Variants in COPB2 observed in about 807,000 individuals in gnomAD.
COPB2 encodes coatomer subunit beta'.
A neutral mutation model predicts 120.8 loss-of-function variants in COPB2; 16 were observed. The observed-to-expected ratio is 0.13, with a 90% CI of 0.09 to 0.20. The LOEUF (loss-of-function observed/expected upper bound fraction) is 0.20, where lower values mean the gene tolerates loss of function less well. Among genes scored for constraint, COPB2 ranks in the 10% least tolerant of loss-of-function variants. The pLI is 1.00. For synonymous variants in COPB2, 332 were observed against 366.3 expected (o/e 0.91, Z 1.07); for missense variants, 794 against 1,076.5 (o/e 0.74, Z 3.67).
chr3:139,369,530 T>G lies in COPB2; in HGVS notation c.1220A>C (p.Glu407Ala), dbSNP rs1560016304. Residue 407 changes from glutamate (E) to alanine (A), a missense_variant, in exon 11 of 22, where the codon GAG becomes GCG. Physicochemically the swap from Glu to Ala is moderately radical, Grantham distance 107. Transcript: ENST00000333188. ...AHDSSEYAIR[E>A]SNSIVKIFKN... ...AAATATCTTTACAATGCTGTTGCTC[T>G]CTCTTATTGCATACCTGGGAGAAAA... is the stretch of plus-strand genomic sequence containing the variant. 20 of 1,607,314 alleles carry G rather than the reference T, an allele frequency of 1.2e-5. No individual in the cohort carries two copies. The highest frequency in any genetic ancestry group is 1.7e-5 in the Non-Finnish European group (20 of 1,176,220).
At position 139,383,443 on chromosome 3, in the gene COPB2, G is replaced by T. The variant is rs374583134; in HGVS notation, c.4-8C>A. The T allele has an allele frequency of 2.4e-5, 37 of 1,530,354 alleles. No homozygotes were observed. Among genetic ancestry groups the T allele is most frequent in the South Asian group, 1.0e-4 (8 of 77,308 alleles). 94.8% of individuals were successfully genotyped at this position (1,530,354 alleles called of 1,614,324 possible). On this transcript the variant is annotated splice_polypyrimidine_tract_variant and splice_region_variant and intron_variant, in intron 1 of 21. Coordinates refer to ENST00000333188, the MANE Select transcript of COPB2 (RefSeq NM_004766.3). Reference sequence around the variant, plus strand: ...GATATCAAGTCGCAGAGGCTAAAAAGAAACATTAAAAAAATTAAATTGCTA... The same window carrying T: ...GATATCAAGTCGCAGAGGCTAAAAATAAACATTAAAAAAATTAAATTGCTA...
chr3:139,387,746 T>A (rs1941949516), intron 1 of COPB2, among the ~76,000 whole-genome samples: 2 of 152,232 alleles, frequency 1.3e-5, no homozygotes, highest in Admixed American at 1.3e-4. Context: ...GTTCCACCAC[T>A]CATTTCAGAT....
At position 139,366,486 on chromosome 3, in the gene COPB2, A is replaced by C. The variant is rs886313566; in HGVS notation, c.1884+82T>G. On this transcript the variant is annotated intron_variant, in intron 15 of 21. Transcript: ENST00000333188. ...ACAGGAAATCAGTTGGCAATTAAGA[A>C]ATAAAGTTTTTCAACTCCATAATAA... 2.3e-6 allele frequency: 3 copies of C among 1,297,788 alleles called. No individual in the cohort carries two copies. The African/African-American group carries it at 4.5e-5, about 19-fold the overall frequency. 80.4% of individuals were successfully genotyped at this position (1,297,788 alleles called of 1,614,324 possible). A position where few individuals can be genotyped will look rare whatever the true frequency, so the allele number is the denominator to read the frequency against.
At chr3:139,360,102 T>A (rs1338505293) in intron 17 of COPB2, among the ~76,000 whole-genome samples, 1 of 151,910 alleles carries the variant, frequency 6.6e-6, no homozygotes, top group Non-Finnish European at 1.5e-5. Flanking sequence ...AGGAATAGGG[T>A]CTATTCTTAC....
chr3:139,368,006 C>T, intron 13 of COPB2, 139 bp downstream of exon 13: 2 of 841,804 alleles, frequency 2.4e-6, no homozygotes, highest in South Asian at 3.8e-5. Flanking sequence ...TTTAATTTTT[C>T]ACATTTCACC....
intron 4 of COPB2, 121 bp from the exon 5 acceptor site, chr3:139,378,310 G>C (rs898381648): frequency 2.6e-5 from 24 of 927,108 alleles, no homozygotes; most frequent in Non-Finnish European, 3.5e-5. Context: ...TACAGAAATA[G>C]AATCAAAACC....
chr3:139,376,819 G>A (rs534344972), intron 5 of COPB2, among the ~76,000 whole-genome samples: 29 of 152,266 alleles, frequency 1.9e-4, no homozygotes, highest in African/African-American at 6.0e-4. Flanking sequence ...GCGCAATCTC[G>A]GCTCACTGCA....
chr3:139,379,373 T>C lies in COPB2; in HGVS notation c.228+7A>G, dbSNP rs141579675. ...AATGGGAATAGAGATTCATATTAATTACTTACCGCTCCTGTCACAACCCAA... is the reference window on the plus strand; with the variant it reads ...AATGGGAATAGAGATTCATATTAATCACTTACCGCTCCTGTCACAACCCAA... On this transcript the variant is annotated splice_region_variant and intron_variant, in intron 3 of 21. Transcript: ENST00000333188. 10 of 1,612,666 alleles carry C rather than the reference T, an allele frequency of 6.2e-6. No homozygotes were observed. In the African/African-American group the frequency reaches 1.2e-4, roughly 19 times the overall value.
intron 20 of COPB2, 64 bp from the exon 21 acceptor site, chr3:139,358,335 C>T: frequency 7.0e-7 from 1 of 1,419,296 alleles, no homozygotes; most frequent in East Asian, 2.3e-5. Flanking sequence ...TAAAGTTTTC[C>T]CCCAAGAAAA....
chr3:139,362,599 T>TAC, intron 15 of COPB2, 82 bp from the exon 16 acceptor site: 1 of 723,814 alleles, frequency 1.4e-6, no homozygotes, highest in Non-Finnish European at 2.1e-6. Flanking sequence ...TACACACACA[T>TAC]ATACAGTGTA....
intron 16 of COPB2, among the ~76,000 whole-genome samples, chr3:139,362,115 T>C (rs1941430156): frequency 1.3e-5 from 2 of 152,254 alleles, no homozygotes; most frequent in Admixed American, 1.3e-4. Context: ...CTAGTTTACA[T>C]ACTATTTTAC....
chr3:139,383,228 T>C (rs1367155602), intron 2 of COPB2, 70 bp downstream of exon 2: 1 of 1,540,856 alleles, frequency 6.5e-7, no homozygotes, highest in East Asian at 2.3e-5. Context: ...TTATAATATT[T>C]CTTCTCTTTC....
In COPB2 at chr3:139,357,821, T is replaced by A. The variant is rs1338760391; in HGVS notation, c.*42A>T. 5 of 1,092,868 alleles carry A rather than the reference T, an allele frequency of 4.6e-6. No homozygotes were observed. Among genetic ancestry groups the A allele is most frequent in the South Asian group, 4.4e-5 (3 of 68,426 alleles). The allele number at this position is 1,092,868 out of a possible 1,614,324, so 67.7% of individuals were successfully genotyped here. ...CAGGGTAGCAATCAATACCTATATATAATAATGATCTGTTTAGTCAGGTAA... is the reference window on the plus strand; with the variant it reads ...CAGGGTAGCAATCAATACCTATATAAAATAATGATCTGTTTAGTCAGGTAA... On this transcript the variant is annotated 3_prime_UTR_variant, in exon 22 of 22. Coordinates refer to ENST00000333188, the MANE Select transcript of COPB2 (RefSeq NM_004766.3).
At chr3:139,366,991 A>G in intron 14 of COPB2, 24 bp downstream of exon 14, 2 of 1,592,140 alleles carry the variant, frequency 1.3e-6, no homozygotes, top group Non-Finnish European at 1.7e-6. Context: ...AATTTAGGAC[A>G]AATGCAAAAT....
At chr3:139,383,157 C>T (rs755344398) in intron 2 of COPB2, 141 bp downstream of exon 2, 48 of 939,224 alleles carry the variant, frequency 5.1e-5, no homozygotes, top group Non-Finnish European at 5.8e-5. Flanking sequence ...TTAGTTCCTT[C>T]ATATTTAAAA....
chr3:139,389,650 G>T, upstream of COPB2: 1 of 1,254,590 alleles, frequency 8.0e-7, no homozygotes. Context: ...GACTGACGTG[G>T]AACTTCCGGG....
At chr3:139,359,822 T>A (rs1241868022) in intron 17 of COPB2, among the ~76,000 whole-genome samples, 1 of 152,184 alleles carries the variant, frequency 6.6e-6, no homozygotes, top group Non-Finnish European at 1.5e-5. Context: ...GCAAGTTTTA[T>A]GATGTGGACA....
intron 1 of COPB2, chr3:139,388,197 T>G (rs148348408): frequency 4.4e-4 from 67 of 152,260 alleles, no homozygotes; most frequent in African/African-American, 1.5e-3. Context: ...AGGTAGTTAG[T>G]AATACGAAGT....
intron 1 of COPB2, among the ~76,000 whole-genome samples, chr3:139,388,626 GTTTTT>G (rs35109875): frequency 8.2e-6 from 1 of 121,474 alleles, no homozygotes; most frequent in Non-Finnish European, 1.8e-5. Context: ...TTCATAACAA[GTTTTT>G]TTTTTTTTTT....
Sources: allele counts gnomAD v4.1 joint callset (sites outside exome capture counted in the v4.1 genomes callset), GRCh38; gene constraint gnomAD v4.1.1; transcripts MANE v1.5; gene names NCBI Gene and HGNC (gene_info 2026-07-23, HGNC 2026-07-21).